Variants in SLC1A3 observed in about 807,000 individuals in gnomAD.
SLC1A3 encodes the protein excitatory amino acid transporter 1.
In SLC1A3, 21 loss-of-function variants were observed where a neutral mutation model predicts 48.1. That is an observed-to-expected ratio of 0.44 (90% CI 0.31 to 0.63). SLC1A3 has a LOEUF of 0.63. SLC1A3 is among the 20% of genes least tolerant of loss of function. The pLI is 0.08. For missense variants in SLC1A3, 546 were observed against 689.0 expected (o/e 0.79, Z 2.32); for synonymous variants, 239 against 251.4 (o/e 0.95, Z 0.47).
chr5:36,614,791 G>A (rs986397861), intron 2 of SLC1A3, among the ~76,000 whole-genome samples: 3 of 152,144 alleles, frequency 2.0e-5, no homozygotes, highest in Non-Finnish European at 1.5e-5. Flanking sequence ...TGGTCAGAGT[G>A]GGGGCTGGCT....
Position 36,683,742 on chromosome 5 carries a change from A to G in SLC1A3, c.1290-122A>G, listed in dbSNP as rs189546400. On this transcript the variant is annotated intron_variant, in intron 8 of 9. Transcript: ENST00000265113. ...AAAAATCTCATTTACGTTTTTTCTGAAGCGCGTCCTCTTGTGTTACATGGC... is the reference window on the plus strand; with the variant it reads ...AAAAATCTCATTTACGTTTTTTCTGGAGCGCGTCCTCTTGTGTTACATGGC... 7.3e-4 allele frequency: 761 copies of G among 1,039,496 alleles called. 3 individuals are homozygous for G. The African/African-American group carries it at 8.7e-3, about 12-fold the overall frequency. 64.4% of individuals were successfully genotyped at this position (1,039,496 alleles called of 1,614,324 possible).
intron 9 of SLC1A3, 123 bp downstream of exon 9, chr5:36,684,121 A>G: frequency 8.0e-7 from 1 of 1,254,706 alleles, no homozygotes; most frequent in South Asian, 1.2e-5. Context: ...CTCGGCCCAT[A>G]GTTAAATTGT....
At chr5:36,665,220 A>G (rs1009533864) in intron 3 of SLC1A3, among the ~76,000 whole-genome samples, 5 of 57,062 alleles carry the variant, frequency 8.8e-5, no homozygotes, top group African/African-American at 2.3e-4. Flanking sequence ...TAAGTGTTAG[A>G]AAAAAAAAAA....
At chr5:36,661,838 G>T (rs1449325845) in intron 3 of SLC1A3, among the ~76,000 whole-genome samples, 2 of 152,236 alleles carry the variant, frequency 1.3e-5, no homozygotes, top group Non-Finnish European at 2.9e-5. Context: ...ATGCTCTGCA[G>T]TCAATTTGAG....
In SLC1A3 at chr5:36,686,198, A is replaced by C; in HGVS notation, c.1558A>C (p.Lys520Gln). 1 of 1,614,178 alleles carries C rather than the reference A, an allele frequency of 6.2e-7. No homozygotes were observed. Among genetic ancestry groups the C allele is most frequent in the Non-Finnish European group, 8.5e-7 (1 of 1,179,968 alleles). The change falls in exon 10 of 10, where the codon AAG becomes CAG. Residue 520 changes from lysine to glutamine, a missense_variant. By Grantham distance (53) the Lys-to-Gln change is moderately conservative. This residue lies in a region of SLC1A3 where 56 missense variants were observed against 59.0 expected (regional missense o/e 0.95). Coordinates refer to ENST00000265113, the MANE Select transcript of SLC1A3 (RefSeq NM_004172.5). ...CTCAGTGATTGAAGAGAATGAAATG[A>C]AGAAACCATATCAACTGATTGCACA... ...GNSVIEENEM[K>Q]KPYQLIAQDN...
Position 36,688,285 on chromosome 5 carries a change from A to G in SLC1A3, c.*2016A>G, listed in dbSNP as rs2112000351. ...ATGCACTCAGTGTGGACTGGGAAGC[A>G]TTACTTTGTAGATGTATTTTCAATA... On this transcript the variant is annotated 3_prime_UTR_variant, in exon 10 of 10. Transcript: ENST00000265113. The G allele has an allele frequency of 6.6e-6, 1 of 152,364 alleles. No homozygotes were observed. The highest frequency in any genetic ancestry group is 1.5e-5 in the Non-Finnish European group (1 of 68,038). The allele number at this position is 152,364 out of a possible 1,614,324, so 9.4% of individuals were successfully genotyped here.
At chr5:36,682,218 A>G (rs1252518819) in intron 8 of SLC1A3, among the ~76,000 whole-genome samples, 1 of 152,328 alleles carries the variant, frequency 6.6e-6, no homozygotes, top group East Asian at 1.9e-4. Flanking sequence ...TTTATGGCCT[A>G]CATTTGGTGT....
intron 3 of SLC1A3, among the ~76,000 whole-genome samples, chr5:36,646,188 G>C (rs1205220210): frequency 6.6e-6 from 1 of 152,210 alleles, no homozygotes; most frequent in Non-Finnish European, 1.5e-5. Context: ...GGGCAGCATT[G>C]CTTGGCTGGT....
intron 3 of SLC1A3, among the ~76,000 whole-genome samples, chr5:36,648,771 G>A (rs1440706854): frequency 1.3e-5 from 2 of 152,116 alleles, no homozygotes; most frequent in Admixed American, 6.5e-5. Context: ...TACATACATT[G>A]TGAAGACTTA....
At chr5:36,629,699 G>GAAA in intron 3 of SLC1A3, 112 bp downstream of exon 3, 38 of 675,468 alleles carry the variant, frequency 5.6e-5, no homozygotes, top group Admixed American at 2.1e-4. Context: ...CTCTGTTCTA[G>GAAA]AAAAAAAAAA....
rs570910534 is a variant in SLC1A3, at chr5:36,638,200, C to T, written c.319+8613C>T. 4.6e-5 allele frequency among the ~76,000 whole-genome samples: 7 copies of T among 152,300 alleles called. No homozygotes were observed. The South Asian group carries it at 1.5e-3, about 32-fold the overall frequency. On this transcript the variant is annotated intron_variant, in intron 3 of 9. Coordinates refer to ENST00000265113, the MANE Select transcript of SLC1A3 (RefSeq NM_004172.5). ...AATGCACTGTTAACATGTCTATCTT[C>T]CTCATAGAGGCTTCTTGAAGGTACT...
intron 3 of SLC1A3, among the ~76,000 whole-genome samples, chr5:36,647,299 A>G (rs1451529926): frequency 6.6e-6 from 1 of 152,182 alleles, no homozygotes; most frequent in East Asian, 1.9e-4. Context: ...CCAGCCACAT[A>G]CTGTTCATAA....
At chr5:36,608,784 A>G in intron 2 of SLC1A3, 180 bp downstream of exon 2, 3 of 1,419,526 alleles carry the variant, frequency 2.1e-6, no homozygotes, top group Non-Finnish European at 2.7e-6. Context: ...GGAGCAATAT[A>G]TAGTAAACAC....
intron 5 of SLC1A3, among the ~76,000 whole-genome samples, chr5:36,676,286 G>A (rs955665226): frequency 6.6e-6 from 1 of 152,096 alleles, no homozygotes; most frequent in Non-Finnish European, 1.5e-5. Context: ...CTTTTTCATT[G>A]AGCACCATTA....
At chr5:36,620,908 G>T (rs1410667925) in intron 2 of SLC1A3, among the ~76,000 whole-genome samples, 3 of 151,712 alleles carry the variant, frequency 2.0e-5, no homozygotes, top group African/African-American at 4.8e-5. Flanking sequence ...ATTTGAGCTA[G>T]GTCTTTTTTT....
chr5:36,638,653 C>T (rs1334087602), intron 3 of SLC1A3: 1 of 152,292 alleles, frequency 6.6e-6, no homozygotes, highest in East Asian at 1.9e-4. Context: ...GAGAAGTGTA[C>T]CATTTTTAAT....
intron 3 of SLC1A3, among the ~76,000 whole-genome samples, chr5:36,653,513 A>G (rs1257602082): frequency 6.6e-6 from 1 of 152,210 alleles, no homozygotes; most frequent in Non-Finnish European, 1.5e-5. Context: ...CTGACTTGGC[A>G]CTAAAATTGC....
chr5:36,608,399 A>G lies in SLC1A3; in HGVS notation c.-25A>G. On this transcript the variant is annotated 5_prime_UTR_variant, in exon 2 of 10. Coordinates refer to ENST00000265113, the MANE Select transcript of SLC1A3 (RefSeq NM_004172.5). Reference sequence around the variant, plus strand: ...ATTCCCAGACACTGAAGTGCAAAGAAGAGACCCTCCTAGAAAAGTAAAATA... The same window carrying G: ...ATTCCCAGACACTGAAGTGCAAAGAGGAGACCCTCCTAGAAAAGTAAAATA... The G allele has an allele frequency of 1.9e-6, 3 of 1,612,492 alleles. No individual in the cohort carries two copies. Among genetic ancestry groups the G allele is most frequent in the Non-Finnish European group, 2.5e-6 (3 of 1,178,916 alleles).
At chr5:36,678,731 G>A (rs1304169167) in intron 6 of SLC1A3, among the ~76,000 whole-genome samples, 1 of 152,138 alleles carries the variant, frequency 6.6e-6, no homozygotes, top group Non-Finnish European at 1.5e-5. Flanking sequence ...CAAACTCTAG[G>A]TTATTTCAAC....
Sources: gnomAD v4.1 joint callset for allele counts (sites outside exome capture counted in the v4.1 genomes callset) on GRCh38, gnomAD v4.1.1 for gene constraint, gnomAD v4.1.1 regional missense constraint, MANE v1.5 for transcripts, NCBI Gene and HGNC (gene_info 2026-07-23, HGNC 2026-07-21) for gene names.